The following DNAAF4 variants were observed in gnomAD, a reference collection of about 807,000 sequenced individuals.
The protein encoded by DNAAF4 is dynein assembly factor 4, axonemal.
In DNAAF4, 43 loss-of-function variants were observed where a neutral mutation model predicts 51.8. The observed-to-expected ratio is 0.83, with a 90% CI of 0.65 to 1.07. The LOEUF (loss-of-function observed/expected upper bound fraction) is 1.07. Among genes scored for constraint, DNAAF4 ranks in the 50% least tolerant of loss-of-function variants. The probability of loss-of-function intolerance (pLI) is 0.00; values close to 1 mark genes in which losing one functional copy is unlikely to be tolerated. For synonymous variants in DNAAF4, 194 were observed against 165.6 expected, an observed-to-expected ratio of 1.17 and a Z score of -1.32; for missense variants, 581 against 493.0, an observed-to-expected ratio of 1.18 and a Z score of -1.69.
chr15:55,434,985 T>G lies in DNAAF4; in HGVS notation c.967A>C (p.Met323Leu). Residue 323 changes from methionine (M) to leucine (L), a missense_variant, in exon 8 of 10, where the codon ATG (methionine) becomes CTG (leucine). Physicochemically the swap from Met to Leu is conservative, Grantham distance 15. Transcript: ENST00000321149. ...GCCCGGTTCAAATACAATAGTGGCA[T>G]CTTATTATTTAGTCTTATGGCTAAA... is the stretch of plus-strand genomic sequence containing the variant. ...YNLAIRLNNK[M>L]PLLYLNRAAC... 1 of 1,613,292 alleles carries G rather than the reference T, an allele frequency of 6.2e-7. No individual in the cohort carries two copies. The highest frequency in any genetic ancestry group is 8.5e-7 in the Non-Finnish European group (1 of 1,179,854).
In DNAAF4 at chr15:55,469,474, C is replaced by CTTTTTTTT; in HGVS notation, c.406-2321_406-2314dup. Among the ~76,000 whole-genome samples, 68 of 66,274 alleles carry CTTTTTTTT rather than the reference C, an allele frequency of 1.0e-3. 13 individuals carry two copies. Among genetic ancestry groups the CTTTTTTTT allele is most frequent in the African/African-American group, 2.0e-3 (31 of 15,686 alleles). 43.5% of individuals were successfully genotyped at this position (66,274 alleles called of 152,430 possible). On this transcript the variant is annotated intron_variant, in intron 4 of 9. Transcript: ENST00000321149. ...TGGGTTTCTCCTATGCTTACCAATT[C>CTTTTTTTT]TTTTTTTTTTTTTTTTTTTTTTTTT...
At chr15:55,500,454 C>G (rs910961990) in intron 1 of DNAAF4, among the ~76,000 whole-genome samples, 2 of 152,118 alleles carry the variant, frequency 1.3e-5, no homozygotes, top group African/African-American at 4.8e-5. Flanking sequence ...CTTCTAAAGA[C>G]AGGGTTTATG....
chr15:55,479,524 G>C (rs1272675922), intron 4 of DNAAF4, among the ~76,000 whole-genome samples: 4 of 152,010 alleles, frequency 2.6e-5, no homozygotes, highest in South Asian at 4.2e-4. Context: ...CCTTGAAAAA[G>C]AACGGAATAA....
intron 8 of DNAAF4, among the ~76,000 whole-genome samples, chr15:55,433,969 T>TATA (rs2057559989): frequency 2.2e-5 from 1 of 46,510 alleles, no homozygotes; most frequent in Non-Finnish European, 3.5e-5. Flanking sequence ...ATATAATATA[T>TATA]TTTATATATT....
At chr15:55,506,020 G>T (rs1035299402) in intron 1 of DNAAF4, among the ~76,000 whole-genome samples, 1 of 152,176 alleles carries the variant, frequency 6.6e-6, no homozygotes, top group African/African-American at 2.4e-5. Context: ...ATAATGCTAT[G>T]AAGTGGCCTT....
chr15:55,507,564 A>G (rs904428943), intron 1 of DNAAF4, among the ~76,000 whole-genome samples: 1 of 152,236 alleles, frequency 6.6e-6, no homozygotes, highest in Non-Finnish European at 1.5e-5. Context: ...AGAAACCATC[A>G]TAAGTCAGGG....
chr15:55,419,804 C>G (rs1005234875), intron 7 of DNAAF4, among the ~76,000 whole-genome samples: 2 of 152,018 alleles, frequency 1.3e-5, no homozygotes, highest in Non-Finnish European at 2.9e-5. Flanking sequence ...TAAGACCGAC[C>G]GGCCTGGCCA....
In DNAAF4 at chr15:55,439,584, A is replaced by G; in HGVS notation, c.784-3T>C. ...GCCTCAGCTTGTTTGTGTAGCCACT[A>G]GAATGAGAAAGAAGTCTTATGAAGA... On this transcript the variant is annotated splice_region_variant and splice_polypyrimidine_tract_variant and intron_variant, in intron 6 of 9. Transcript: ENST00000321149. 1.2e-6 allele frequency: 2 copies of G among 1,611,720 alleles called. No homozygotes were observed. Among genetic ancestry groups the G allele is most frequent in the Non-Finnish European group, 1.7e-6 (2 of 1,178,434 alleles).
At chr15:55,469,502 A>T (rs1215425000) in intron 4 of DNAAF4, among the ~76,000 whole-genome samples, 2 of 598 alleles carry the variant, frequency 3.3e-3, no homozygotes, top group Non-Finnish European at 6.3e-3. Flanking sequence ...TTTTTTTTTG[A>T]GACGGAGTCT....
intron 4 of DNAAF4, among the ~76,000 whole-genome samples, chr15:55,469,468 C>T (rs1197803133): frequency 7.8e-6 from 1 of 128,566 alleles, no homozygotes; most frequent in African/African-American, 2.8e-5. Context: ...CCTATGCTTA[C>T]CAATTCTTTT....
chr15:55,491,315 A>G (rs993521516), intron 3 of DNAAF4, 59 bp from the exon 4 acceptor site: 6 of 1,522,916 alleles, frequency 3.9e-6, no homozygotes, highest in Non-Finnish European at 4.5e-6. Flanking sequence ...TACTTATGAG[A>G]AAACTACTTA....
chr15:55,467,251 T>A (rs2058183825), intron 4 of DNAAF4, 90 bp from the exon 5 acceptor site: 2 of 1,188,976 alleles, frequency 1.7e-6, no homozygotes, highest in African/African-American at 1.6e-5. Context: ...TAGTTATTCA[T>A]ACCTCTAAAC....
intron 4 of DNAAF4, among the ~76,000 whole-genome samples, chr15:55,476,193 G>A (rs1236637382): frequency 1.3e-5 from 2 of 152,150 alleles, no homozygotes; most frequent in Non-Finnish European, 2.9e-5. Flanking sequence ...GGCATGGGGA[G>A]GTGGCTCGCA....
At chr15:55,418,166 AT>A in intron 7 of DNAAF4, 2 of 1,562,926 alleles carry the variant, frequency 1.3e-6, no homozygotes, top group African/African-American at 1.4e-5. Flanking sequence ...ACTGAATTAA[AT>A]TTTTTTTTTT....
intron 4 of DNAAF4, among the ~76,000 whole-genome samples, chr15:55,478,881 T>G (rs2058371271): frequency 6.6e-6 from 1 of 152,198 alleles, no homozygotes; most frequent in Non-Finnish European, 1.5e-5. Context: ...AGCCAAAATT[T>G]TGGTCAAGCC....
At chr15:55,504,967 C>T (rs943338196) in intron 1 of DNAAF4, among the ~76,000 whole-genome samples, 21 of 152,258 alleles carry the variant, frequency 1.4e-4, no homozygotes, top group Non-Finnish European at 2.4e-4. Context: ...AAGAAACTAT[C>T]ATCAGAGTGA....
intron 6 of DNAAF4, among the ~76,000 whole-genome samples, chr15:55,446,877 C>T (rs762250003): frequency 1.2e-4 from 16 of 130,956 alleles, no homozygotes; most frequent in Non-Finnish European, 1.9e-4. Flanking sequence ...CCAGACGGGC[C>T]GGCTGGGCAG....
chr15:55,474,589 A>G (rs692646), intron 4 of DNAAF4, among the ~76,000 whole-genome samples: 84,996 of 152,082 alleles, frequency 0.56, 25,659 homozygotes, highest in East Asian at 0.89. Context: ...TTACTTTCCT[A>G]CAAACTGGCA....
At chr15:55,451,771 C>A (rs934893577) in intron 5 of DNAAF4, among the ~76,000 whole-genome samples, 19 of 152,156 alleles carry the variant, frequency 1.2e-4, no homozygotes, top group African/African-American at 4.6e-4. Flanking sequence ...CACCACCATA[C>A]ATGGCTAATT....
Sources: allele counts gnomAD v4.1 joint callset (sites outside exome capture counted in the v4.1 genomes callset), GRCh38; gene constraint gnomAD v4.1.1; transcripts MANE v1.5; gene names NCBI Gene and HGNC (gene_info 2026-07-23, HGNC 2026-07-21).